The following NRXN3 variants were observed in gnomAD, a reference collection of about 807,000 sequenced individuals.
NRXN3 encodes the protein neurexin III.
In NRXN3, 32 loss-of-function variants were observed where a neutral mutation model predicts 137.6. That is an observed-to-expected ratio of 0.23 (90% CI 0.18 to 0.31). NRXN3 has a LOEUF of 0.31. Ranked by LOEUF, NRXN3 falls within the 10% of genes least tolerant of loss-of-function variation. The probability of loss-of-function intolerance (pLI) is 1.00; values close to 1 mark genes in which losing one functional copy is unlikely to be tolerated. For missense variants in NRXN3, 1,574 were observed against 2,062.5 expected (o/e 0.76, Z 4.59); for synonymous variants, 798 against 784.5 (o/e 1.02, Z -0.29).
chr14:78,618,960 G>C (rs1008120716), intron 4 of NRXN3, among the ~76,000 whole-genome samples: 2 of 152,146 alleles, frequency 1.3e-5, no homozygotes. Context: ...GTGACTTTAT[G>C]TATGACCCCT....
At chr14:79,609,526 A>G (rs1382833369) in intron 16 of NRXN3, among the ~76,000 whole-genome samples, 1 of 152,200 alleles carries the variant, frequency 6.6e-6, no homozygotes, top group African/African-American at 2.4e-5. Context: ...ACTAGGAAGA[A>G]AAAAGCAAAT....
At chr14:78,212,257 TTATAAG>T (rs1259286067) in intron 1 of NRXN3, among the ~76,000 whole-genome samples, 3 of 152,242 alleles carry the variant, frequency 2.0e-5, no homozygotes, top group Non-Finnish European at 2.9e-5. Flanking sequence ...TGAAAATGAT[TTATAAG>T]TATAACTTAA....
At chr14:78,817,722 C>T (rs2098938265) in intron 10 of NRXN3, among the ~76,000 whole-genome samples, 1 of 152,136 alleles carries the variant, frequency 6.6e-6, no homozygotes, top group Admixed American at 6.6e-5. Flanking sequence ...TAACAACCCA[C>T]TCTAAAGGGT....
intron 8 of NRXN3, among the ~76,000 whole-genome samples, chr14:78,734,891 G>A (rs1041090056): frequency 6.6e-6 from 1 of 152,158 alleles, no homozygotes; most frequent in African/African-American, 2.4e-5. Flanking sequence ...TACTGGTAGA[G>A]TATGATACTG....
intron 11 of NRXN3, among the ~76,000 whole-genome samples, chr14:78,962,228 G>C (rs2099409452): frequency 6.6e-6 from 1 of 152,180 alleles, no homozygotes; most frequent in South Asian, 2.1e-4. Context: ...TGATCAAACT[G>C]CTTAACCTCT....
At chr14:78,733,581 AC>A in intron 8 of NRXN3, among the ~76,000 whole-genome samples, 1 of 152,180 alleles carries the variant, frequency 6.6e-6, no homozygotes, top group East Asian at 1.9e-4. Flanking sequence ...AGCTTTAATA[AC>A]TTGTATTGTC....
intron 15 of NRXN3, among the ~76,000 whole-genome samples, chr14:79,168,291 C>A (rs1270452173): frequency 6.6e-6 from 1 of 151,858 alleles, no homozygotes; most frequent in African/African-American, 2.4e-5. Context: ...TCTACTTGAC[C>A]CAGCAAAACT....
intron 5 of NRXN3, among the ~76,000 whole-genome samples, chr14:78,647,615 G>A (rs1358162201): frequency 6.6e-6 from 1 of 152,182 alleles, no homozygotes; most frequent in Non-Finnish European, 1.5e-5. Flanking sequence ...AGTATTGGGG[G>A]TATTTCTTGG....
In NRXN3 at chr14:78,243,483, G is replaced by A. The variant is rs961380251; in HGVS notation, c.390G>A (p.Gln130=). ...RTVLMLDGEG[Q]SGELQPQRPY... is the part of the protein sequence containing the mutation. Reference sequence around the variant, plus strand: ...TGCTGATGCTTGATGGCGAGGGCCAGTCTGGGGAGCTGCAGCCCCAGCGGC... The same window carrying A: ...TGCTGATGCTTGATGGCGAGGGCCAATCTGGGGAGCTGCAGCCCCAGCGGC... Residue 130 remains glutamine, a synonymous_variant, in exon 2 of 21, where the codon CAG becomes CAA. Transcript: ENST00000335750. The surrounding 1 kb of genome is among the most constrained non-coding windows in gnomAD (Gnocchi z 4.2). The A allele has an allele frequency of 6.3e-7, 1 of 1,588,944 alleles. No homozygotes were observed. The highest frequency in any genetic ancestry group is 8.5e-7 in the Non-Finnish European group (1 of 1,175,300).
intron 17 of NRXN3, chr14:79,669,209 A>G (rs1054728728): frequency 6.6e-6 from 1 of 152,170 alleles, no homozygotes; most frequent in African/African-American, 2.4e-5. Flanking sequence ...GAGAGAGCAG[A>G]GTCCTGCAGA....
intron 10 of NRXN3, among the ~76,000 whole-genome samples, chr14:78,947,523 G>A (rs993292621): frequency 1.3e-5 from 2 of 152,280 alleles, no homozygotes; most frequent in Admixed American, 6.5e-5. Flanking sequence ...ATATCACTTA[G>A]CTTCTTACTT....
chr14:78,822,710 C>CAAAAA (rs57192355), intron 10 of NRXN3, among the ~76,000 whole-genome samples: 1 of 122,586 alleles, frequency 8.2e-6, no homozygotes, highest in Non-Finnish European at 1.9e-5. Context: ...CAAAAACAAA[C>CAAAAA]AAAAAAAAAA....
intron 4 of NRXN3, among the ~76,000 whole-genome samples, chr14:78,432,215 A>T (rs2093908163): frequency 6.6e-6 from 1 of 152,084 alleles, no homozygotes; most frequent in African/African-American, 2.4e-5. Flanking sequence ...GAATTTCCAG[A>T]TGGGAATTCT....
intron 4 of NRXN3, among the ~76,000 whole-genome samples, chr14:78,382,426 A>G (rs1265006873): frequency 6.6e-6 from 1 of 152,086 alleles, no homozygotes. Context: ...TGTTAGGGGG[A>G]CCTTTCTTGT....
At chr14:78,689,524 T>C (rs370582569) in intron 6 of NRXN3, among the ~76,000 whole-genome samples, 1 of 152,116 alleles carries the variant, frequency 6.6e-6, no homozygotes, top group East Asian at 1.9e-4. Flanking sequence ...AGTTCCAGGA[T>C]GGAAAAGAAG....
intron 10 of NRXN3, among the ~76,000 whole-genome samples, chr14:78,926,671 TA>T (rs1470157056): frequency 9.7e-5 from 10 of 102,764 alleles, no homozygotes; most frequent in African/African-American, 2.1e-4. Flanking sequence ...ATTATATATA[TA>T]ATTATATATT....
chr14:79,724,968 T>G (rs1361344440), intron 19 of NRXN3, among the ~76,000 whole-genome samples: 1 of 152,094 alleles, frequency 6.6e-6, no homozygotes, highest in African/African-American at 2.4e-5. Context: ...TAACCAGTCT[T>G]GAGGTGATCA....
chr14:78,188,805 C>T (rs116705071), intron 1 of NRXN3, among the ~76,000 whole-genome samples: 126 of 152,206 alleles, frequency 8.3e-4, no homozygotes, highest in African/African-American at 2.6e-3. Context: ...ACCTACCCTA[C>T]GGATTCCTAC....
chr14:78,524,365 A>T (rs2096342130), intron 4 of NRXN3, among the ~76,000 whole-genome samples: 1 of 152,258 alleles, frequency 6.6e-6, no homozygotes, highest in South Asian at 2.1e-4. Flanking sequence ...GTCATTCTAT[A>T]GCATGTGTAT....
Sources: gnomAD v4.1 joint callset for allele counts (sites outside exome capture counted in the v4.1 genomes callset) on GRCh38, gnomAD v4.1.1 for gene constraint, Gnocchi (gnomAD v3.1) non-coding constraint, MANE v1.5 for transcripts, NCBI Gene and HGNC (gene_info 2026-07-23, HGNC 2026-07-21) for gene names.